Variants in ZIM2 observed in about 807,000 individuals in gnomAD.
The protein encoded by ZIM2 is zinc finger protein 656.
Under a neutral mutation model 38.6 loss-of-function variants are expected in ZIM2, and 14 were observed. That is an observed-to-expected ratio of 0.36 (90% CI 0.24 to 0.57). The LOEUF (loss-of-function observed/expected upper bound fraction) is 0.57. Among genes scored for constraint, ZIM2 ranks in the 20% least tolerant of loss-of-function variants. The pLI is 0.81. For synonymous variants in ZIM2, 247 were observed against 245.8 expected, an observed-to-expected ratio of 1.00 and a Z score of -0.04; for missense variants, 680 against 695.1, an observed-to-expected ratio of 0.98 and a Z score of 0.24.
intron 1 of ZIM2, among the ~76,000 whole-genome samples, chr19:56,837,856 A>C (rs985616828): frequency 6.6e-6 from 1 of 152,180 alleles, no homozygotes; most frequent in Non-Finnish European, 1.5e-5. Context: ...ACGTGGTACT[A>C]GGATGGACGG....
chr19:56,817,891 A>C, intron 8 of ZIM2, 53 bp from the exon 9 acceptor site: 35 of 1,363,146 alleles, frequency 2.6e-5, no homozygotes, highest in Non-Finnish European at 3.1e-5. Context: ...ACCAAGACTC[A>C]TCACCATAAA....
intron 7 of ZIM2, among the ~76,000 whole-genome samples, chr19:56,819,640 G>C (rs1237042541): frequency 6.6e-6 from 1 of 152,164 alleles, no homozygotes; most frequent in African/African-American, 2.4e-5. Flanking sequence ...CTTGGGAACG[G>C]AAATCTTTTT....
chr19:56,816,421 C>T (rs2146195456), intron 9 of ZIM2: 1 of 1,614,032 alleles, frequency 6.2e-7, no homozygotes, highest in South Asian at 1.1e-5. Flanking sequence ...TTTCTGACGC[C>T]TTTTAAGGGA....
At chr19:56,800,431 C>G (rs2047461737) in intron 9 of ZIM2, among the ~76,000 whole-genome samples, 2 of 151,932 alleles carry the variant, frequency 1.3e-5, no homozygotes, top group African/African-American at 4.8e-5. Flanking sequence ...ATAAACAGTT[C>G]AAGATTTATT....
chr19:56,826,939 G>A (rs1393379006), intron 2 of ZIM2, among the ~76,000 whole-genome samples: 2 of 152,068 alleles, frequency 1.3e-5, no homozygotes, highest in Non-Finnish European at 2.9e-5. Context: ...AAGTACCCTA[G>A]GTGAAAGCTA....
At chr19:56,823,326 C>G (rs1258111720) in intron 5 of ZIM2, among the ~76,000 whole-genome samples, 1 of 152,236 alleles carries the variant, frequency 6.6e-6, no homozygotes, top group East Asian at 1.9e-4. Flanking sequence ...GGGGGTACAG[C>G]TGGAAGCAGC....
intron 9 of ZIM2, chr19:56,815,318 T>C (rs1340002297): frequency 4.3e-6 from 7 of 1,614,124 alleles, no homozygotes; most frequent in African/African-American, 1.3e-5. Flanking sequence ...TCTTCGCTGG[T>C]AGCAAAAAAT....
At chr19:56,799,154 C>A (rs1343174301) in intron 9 of ZIM2, 1 of 152,120 alleles carries the variant, frequency 6.6e-6, no homozygotes, top group East Asian at 1.9e-4. Context: ...TATAAAGATA[C>A]ATGTGCATGT....
At chr19:56,826,115 T>A (rs992434963) in intron 3 of ZIM2, among the ~76,000 whole-genome samples, 1 of 152,112 alleles carries the variant, frequency 6.6e-6, no homozygotes, top group Non-Finnish European at 1.5e-5. Flanking sequence ...GAGCACAACA[T>A]AGATAATGCT....
At chr19:56,791,309 T>C (rs1445931678) in intron 9 of ZIM2, 2 of 152,210 alleles carry the variant, frequency 1.3e-5, no homozygotes, top group Non-Finnish European at 2.9e-5. Flanking sequence ...GAAATGAAGG[T>C]AATACCTATT....
At chr19:56,819,699 T>C (rs2060294029) in intron 7 of ZIM2, among the ~76,000 whole-genome samples, 2 of 152,254 alleles carry the variant, frequency 1.3e-5, no homozygotes, top group African/African-American at 4.8e-5. Context: ...GAAGAGTATC[T>C]ATCTGCTTTG....
chr19:56,830,480 T>C (rs1294634502), intron 2 of ZIM2, among the ~76,000 whole-genome samples: 3 of 152,154 alleles, frequency 2.0e-5, no homozygotes, highest in Admixed American at 6.5e-5. Flanking sequence ...CTCAAATACA[T>C]GCAAACAAGC....
intron 12 of ZIM2, among the ~76,000 whole-genome samples, chr19:56,777,960 C>T (rs1278416286): frequency 6.6e-6 from 1 of 152,136 alleles, no homozygotes. Context: ...ATTCCAATCT[C>T]AGGGCCCTGG....
chr19:56,812,605 G>A, intron 9 of ZIM2: 1 of 985,712 alleles, frequency 1.0e-6, no homozygotes, highest in Non-Finnish European at 1.2e-6. Flanking sequence ...TGTCACTTAA[G>A]GCAGGAAGCG....
intron 9 of ZIM2, among the ~76,000 whole-genome samples, chr19:56,799,984 A>G (rs555207625): frequency 1.4e-3 from 210 of 152,318 alleles, no homozygotes; most frequent in African/African-American, 3.9e-3. Flanking sequence ...CAACAAGCAA[A>G]ACTAATGTGT....
chr19:56,790,017 C>A, intron 9 of ZIM2, 66 bp from the exon 10 acceptor site: 1 of 1,330,922 alleles, frequency 7.5e-7, no homozygotes, highest in Non-Finnish European at 1.0e-6. Context: ...ACACAGTGGC[C>A]AGCCACCCTC....
At chr19:56,813,106 A>G (rs2059649889) in intron 9 of ZIM2, 4 of 984,682 alleles carry the variant, frequency 4.1e-6, no homozygotes, top group Non-Finnish European at 4.8e-6. Context: ...ATTACTCAAA[A>G]AGATATTGAC....
intron 3 of ZIM2, 125 bp from the exon 4 acceptor site, chr19:56,824,552 A>T: frequency 6.2e-7 from 1 of 1,614,158 alleles, no homozygotes; most frequent in East Asian, 2.2e-5. Flanking sequence ...ACCTTCTCCT[A>T]TGATGACATC....
intron 11 of ZIM2, among the ~76,000 whole-genome samples, chr19:56,780,359 C>T (rs1432101389): frequency 6.6e-6 from 1 of 151,448 alleles, no homozygotes; most frequent in Non-Finnish European, 1.5e-5. Context: ...TCTTCTGCCT[C>T]AGCCTCCTGA....
Sources: gnomAD v4.1 joint callset for allele counts (sites outside exome capture counted in the v4.1 genomes callset) on GRCh38, gnomAD v4.1.1 for gene constraint, MANE v1.5 for transcripts, NCBI Gene and HGNC (gene_info 2026-07-23, HGNC 2026-07-21) for gene names.